Variants in CCDC63 observed in about 807,000 individuals in gnomAD.
The protein encoded by CCDC63 is coiled-coil domain-containing protein 63.
CCDC63 carries 54 observed loss-of-function variants against 63.6 expected under a neutral mutation model. The ratio of observed to expected loss-of-function variants is 0.85; its 90% confidence interval spans 0.68 to 1.07. CCDC63 has a LOEUF of 1.07. Among genes scored for constraint, CCDC63 ranks in the 50% least tolerant of loss-of-function variants. CCDC63 has a pLI of 0.00. For missense variants in CCDC63, 637 were observed against 689.6 expected (o/e 0.92, Z 0.86); for synonymous variants, 253 against 266.1 (o/e 0.95, Z 0.48).
At position 110,907,047 on chromosome 12, in the gene CCDC63, C is replaced by T. The variant is rs755270665; in HGVS notation, c.1547-284C>T. Among the ~76,000 whole-genome samples, 18 of 152,218 alleles carry T rather than the reference C, an allele frequency of 1.2e-4. No homozygotes were observed. The highest frequency in any genetic ancestry group is 2.4e-4 in the Non-Finnish European group (16 of 68,038). Reference sequence around the variant, plus strand: ...TGGATTTCAGCCCATCCATCTACCGCTCTCCTCAGGTGTCTTTGTGCAGTG... The same window carrying T: ...TGGATTTCAGCCCATCCATCTACCGTTCTCCTCAGGTGTCTTTGTGCAGTG... On this transcript the variant is annotated intron_variant, in intron 11 of 11. Coordinates refer to ENST00000308208, the MANE Select transcript of CCDC63 (RefSeq NM_152591.3). This position sits in a 1 kb window ranked among gnomAD's most constrained non-coding sequence, Gnocchi z 4.4.
chr12:110,895,103 T>A (rs11065754), intron 9 of CCDC63, among the ~76,000 whole-genome samples: 11 of 151,410 alleles, frequency 7.3e-5, no homozygotes, highest in Admixed American at 1.3e-4. Context: ...ATTTATTTTT[T>A]AATTTTAATT....
intron 5 of CCDC63, among the ~76,000 whole-genome samples, chr12:110,878,937 G>C (rs1039558029): frequency 6.6e-6 from 1 of 152,066 alleles, no homozygotes; most frequent in African/African-American, 2.4e-5. Context: ...CAGGAAAGTA[G>C]AGGGAATAAA....
chr12:110,899,255 C>T (rs2071454727), intron 10 of CCDC63, 130 bp downstream of exon 10: 1 of 762,948 alleles, frequency 1.3e-6, no homozygotes, highest in Non-Finnish European at 2.1e-6. Flanking sequence ...AGCCAGCCTG[C>T]CTGGGTTTGA....
chr12:110,906,009 A>AT (rs1466116832), intron 11 of CCDC63, among the ~76,000 whole-genome samples: 39 of 49,220 alleles, frequency 7.9e-4, no homozygotes, highest in Non-Finnish European at 1.1e-3. Context: ...TATATTATAT[A>AT]ATATAATATA....
At chr12:110,888,842 C>G (rs1231332886) in intron 8 of CCDC63, among the ~76,000 whole-genome samples, 2 of 114,494 alleles carry the variant, frequency 1.7e-5, no homozygotes, top group Admixed American at 1.0e-4. Context: ...TCCTTCCTTC[C>G]TTCCTTCCTT....
intron 1 of CCDC63, among the ~76,000 whole-genome samples, chr12:110,847,825 G>C (rs2136632585): frequency 6.6e-6 from 1 of 152,314 alleles, no homozygotes; most frequent in Middle Eastern, 3.4e-3. Context: ...GTCTTTTAAA[G>C]GCAGGTTGTT....
rs148044780 is a variant in CCDC63 at position 110,899,056 on chromosome 12, G to A, written c.1273G>A (p.Ala425Thr). The change falls in exon 10 of 12, where the codon GCC becomes ACC. Residue 425 changes from alanine to threonine, a missense_variant. Ala to Thr is a moderately conservative substitution (Grantham distance 58). Transcript: ENST00000308208. ...EKLFKKINCD[A>T]TKILVQLGET... ...ACTGTTCAAGAAGATAAACTGTGAC[G>A]CCACCAAGATCCTGGTGCAGTTAGG... 17 of 1,613,638 alleles carry A rather than the reference G, an allele frequency of 1.1e-5. No individual in the cohort carries two copies. Among genetic ancestry groups the A allele is most frequent in the African/African-American group, 2.7e-5 (2 of 74,896 alleles).
intron 4 of CCDC63, among the ~76,000 whole-genome samples, chr12:110,867,417 C>T (rs2070978944): frequency 8.0e-6 from 1 of 125,724 alleles, no homozygotes; most frequent in Non-Finnish European, 1.7e-5. Context: ...CCCCATCTCC[C>T]TCCCGGACGG....
intron 7 of CCDC63, among the ~76,000 whole-genome samples, chr12:110,883,796 C>T (rs748477879): frequency 2.1e-4 from 32 of 152,114 alleles, no homozygotes; most frequent in Non-Finnish European, 4.3e-4. Context: ...TGTGCCACCA[C>T]ACCTGGCTAA....
At chr12:110,847,536 C>T (rs1030045425) in intron 1 of CCDC63, among the ~76,000 whole-genome samples, 1 of 145,872 alleles carries the variant, frequency 6.9e-6, no homozygotes, top group South Asian at 2.2e-4. Context: ...GCCTGGGTGA[C>T]AGAGAGAGAG....
intron 9 of CCDC63, among the ~76,000 whole-genome samples, chr12:110,894,443 C>T (rs1319020666): frequency 6.6e-6 from 1 of 152,096 alleles, no homozygotes; most frequent in Non-Finnish European, 1.5e-5. Flanking sequence ...CAACTGCCCT[C>T]CGGAGTCATT....
At chr12:110,888,851 T>C (rs11065746) in intron 8 of CCDC63, among the ~76,000 whole-genome samples, 2,463 of 80,416 alleles carry the variant, frequency 0.031, 96 homozygotes, top group East Asian at 0.06. Flanking sequence ...CCTTCCTTCC[T>C]TCCTTCCTTC....
At chr12:110,890,357 G>A (rs192562386) in intron 8 of CCDC63, among the ~76,000 whole-genome samples, 1 of 151,898 alleles carries the variant, frequency 6.6e-6, no homozygotes, top group East Asian at 1.9e-4. Flanking sequence ...CTTTACAGGG[G>A]GAAAAAAAGC....
intron 4 of CCDC63, among the ~76,000 whole-genome samples, chr12:110,867,845 A>ACCTC (rs1308683559): frequency 6.8e-6 from 1 of 146,618 alleles, no homozygotes; most frequent in Admixed American, 6.8e-5. Context: ...GGCGCCCCTC[A>ACCTC]CCTCCCGGAC....
At chr12:110,848,603 C>G (rs1425829526) in intron 1 of CCDC63, among the ~76,000 whole-genome samples, 16 of 152,174 alleles carry the variant, frequency 1.1e-4, no homozygotes, top group Non-Finnish European at 2.1e-4. Flanking sequence ...ATGGGCCAGA[C>G]AGACTGGTAC....
rs1403583247 is a variant in CCDC63 at position 110,884,131 on chromosome 12, C to CT, written c.956dup (p.Asn320LysfsTer5). On this transcript the variant is annotated frameshift_variant, in exon 8 of 12. Coordinates refer to ENST00000308208, the MANE Select transcript of CCDC63 (RefSeq NM_152591.3). LOFTEE classifies it high-confidence loss of function. Reference sequence around the variant, plus strand: ...GCTGAAGCTGGCTGAGAGTGGGAACCTAAACCAGCTCATTGAAGATTTTCT... The same window carrying CT: ...GCTGAAGCTGGCTGAGAGTGGGAACCTTAAACCAGCTCATTGAAGATTTTCT... 18 of 1,613,984 alleles carry CT rather than the reference C, an allele frequency of 1.1e-5. No individual in the cohort carries two copies. The highest frequency in any genetic ancestry group is 4.0e-5 in the African/African-American group (3 of 74,898).
In CCDC63 at chr12:110,904,655, AG is replaced by A. The variant is rs752575542; in HGVS notation, c.1414del (p.Ala472GlnfsTer64). ...ETYRRILEVE[G>X]AEAEIPPPFI... is the part of the protein sequence containing the mutation. ...CCTACAGGCGCATCCTGGAAGTGGA[AG>A]GGGCAGAGGCTGAGATCCCGCCACC... is the stretch of plus-strand genomic sequence containing the variant. On this transcript the variant is annotated frameshift_variant, in exon 11 of 12. Coordinates refer to ENST00000308208, the MANE Select transcript of CCDC63 (RefSeq NM_152591.3). LOFTEE classifies it high-confidence loss of function. 7.5e-4 allele frequency: 1,209 copies of A among 1,614,090 alleles called. 3 individuals are homozygous for A. Among genetic ancestry groups the A allele is most frequent in the Non-Finnish European group, 9.6e-4 (1,135 of 1,180,014 alleles).
rs369704137 is a variant in CCDC63, at chr12:110,863,249, TTGAG to T, written c.369+4478_369+4481del. Among the ~76,000 whole-genome samples the T allele has an allele frequency of 1.6e-3, 237 of 145,640 alleles. 1 individual carries two copies. Among genetic ancestry groups the T allele is most frequent in the African/African-American group, 5.8e-3 (225 of 38,498 alleles). On this transcript the variant is annotated intron_variant, in intron 4 of 11. Coordinates refer to ENST00000308208, the MANE Select transcript of CCDC63 (RefSeq NM_152591.3). Reference sequence around the variant, plus strand: ...GCAGGTGAAGCCCTTTAGTCTCGCTTTGAGTGACACACACGTGTGTGTGTGTGTG... The same window carrying T: ...GCAGGTGAAGCCCTTTAGTCTCGCTTTGACACACACGTGTGTGTGTGTGTG...
upstream of CCDC63, among the ~76,000 whole-genome samples, chr12:110,846,338 G>C (rs2070636777): frequency 6.6e-6 from 1 of 152,126 alleles, no homozygotes; most frequent in African/African-American, 2.4e-5. Context: ...TTTCAGGGCC[G>C]ATTGTATGAA....
Sources: allele counts gnomAD v4.1 joint callset (sites outside exome capture counted in the v4.1 genomes callset), GRCh38; gene constraint gnomAD v4.1.1; non-coding constraint Gnocchi (gnomAD v3.1); transcripts MANE v1.5; gene names NCBI Gene and HGNC (gene_info 2026-07-23, HGNC 2026-07-21).